The following ARHGAP39 variants were observed in gnomAD, a reference collection of about 807,000 sequenced individuals.
The protein encoded by ARHGAP39 is rho GTPase-activating protein 39.
Under a neutral mutation model 106.9 loss-of-function variants are expected in ARHGAP39, and 44 were observed. The ratio of observed to expected loss-of-function variants is 0.41; its 90% CI spans 0.32 to 0.53. The LOEUF (loss-of-function observed/expected upper bound fraction) is 0.53. Among genes scored for constraint, ARHGAP39 ranks in the 20% least tolerant of loss-of-function variants. The pLI, the probability that ARHGAP39 is intolerant of heterozygous loss-of-function variation, is 0.21. For missense variants in ARHGAP39, 1,496 were observed against 1,577.3 expected, an observed-to-expected ratio of 0.95 and a Z score of 0.87; for synonymous variants, 768 against 693.2, an observed-to-expected ratio of 1.11 and a Z score of -1.69.
chr8:144,636,511 T>G (rs1224769855), intron 1 of ARHGAP39, among the ~76,000 whole-genome samples: 2 of 152,156 alleles, frequency 1.3e-5, no homozygotes, highest in East Asian at 3.9e-4. Flanking sequence ...GCCCCAATCC[T>G]CCCTGCGATG....
chr8:144,623,005 C>T (rs1820843629), intron 1 of ARHGAP39, among the ~76,000 whole-genome samples: 1 of 152,234 alleles, frequency 6.6e-6, no homozygotes, highest in African/African-American at 2.4e-5. Context: ...GTCCTGGCCC[C>T]ACTCGGTCAG....
At chr8:144,538,823 G>A (rs190297151) in intron 6 of ARHGAP39, among the ~76,000 whole-genome samples, 21 of 151,962 alleles carry the variant, frequency 1.4e-4, no homozygotes, top group East Asian at 5.9e-4. Flanking sequence ...CACCCACCTC[G>A]GCCTCCCAAA....
At position 144,547,740 on chromosome 8, in the gene ARHGAP39, C is replaced by G; in HGVS notation, c.1346G>C (p.Ser449Thr). 3 of 1,597,996 alleles carry G rather than the reference C, an allele frequency of 1.9e-6. No homozygotes were observed. The highest frequency in any genetic ancestry group is 2.5e-6 in the Non-Finnish European group (3 of 1,177,566). The change falls in exon 5 of 12, where the codon AGC (serine) becomes ACC (threonine). Residue 449 changes from serine (S) to threonine (T), a missense_variant. This residue lies in a region of ARHGAP39 where 905 missense variants were observed against 816.4 expected (regional missense o/e 1.11). Transcript: ENST00000377307. The surrounding 1 kb of genome is among the most constrained non-coding windows in gnomAD (Gnocchi z 5.2). ...QRLGVKSGDY[S>T]TMEGPELRHS... ...CCGCAGCTCAGGTCCCTCCATGGTG[C>G]TGTAGTCTCCGGACTTGACGCCCAG...
At chr8:144,619,205 G>A (rs376126867) in intron 1 of ARHGAP39, among the ~76,000 whole-genome samples, 3 of 152,202 alleles carry the variant, frequency 2.0e-5, no homozygotes, top group Admixed American at 6.5e-5. Flanking sequence ...AGGATGCTCT[G>A]TGCCAGCTCC....
At chr8:144,675,861 G>T (rs966779398) in intron 1 of ARHGAP39, among the ~76,000 whole-genome samples, 1 of 152,100 alleles carries the variant, frequency 6.6e-6, no homozygotes, top group Non-Finnish European at 1.5e-5. Context: ...CGTTCCCTCC[G>T]GTGGGTTCGT....
chr8:144,600,716 G>C (rs1320622690), intron 2 of ARHGAP39, among the ~76,000 whole-genome samples: 2 of 143,824 alleles, frequency 1.4e-5, no homozygotes, highest in Admixed American at 6.9e-5. Context: ...GTGCACTTGT[G>C]TACCTGAGTG....
At chr8:144,621,894 T>C (rs1413352962) in intron 1 of ARHGAP39, among the ~76,000 whole-genome samples, 1 of 152,216 alleles carries the variant, frequency 6.6e-6, no homozygotes, top group Non-Finnish European at 1.5e-5. Flanking sequence ...GCAAACAAGA[T>C]GTGGTCGGCT....
At chr8:144,594,146 G>A (rs1265203227) in intron 2 of ARHGAP39, among the ~76,000 whole-genome samples, 4 of 151,292 alleles carry the variant, frequency 2.6e-5, no homozygotes, top group South Asian at 4.2e-4. Flanking sequence ...AAAATATCTG[G>A]ACAGACACAT....
chr8:144,603,299 ATC>A (rs1454015532), intron 2 of ARHGAP39, among the ~76,000 whole-genome samples: 1 of 150,748 alleles, frequency 6.6e-6, no homozygotes, highest in Non-Finnish European at 1.5e-5. Context: ...GTGCTCGTGT[ATC>A]TGTGTGTGTG....
intron 6 of ARHGAP39, 92 bp downstream of exon 6, chr8:144,545,157 G>T (rs867884734): frequency 4.8e-6 from 6 of 1,245,612 alleles, no homozygotes; most frequent in East Asian, 2.6e-5. Context: ...GTGGAGGGCC[G>T]CCAGGGACTT....
rs1264538562 is a variant in ARHGAP39 at position 144,619,742 on chromosome 8, CTGTG to C, written c.-81-14051_-81-14048del. Among the ~76,000 whole-genome samples the C allele has an allele frequency of 4.0e-5, 6 of 148,534 alleles. No homozygotes were observed. In the South Asian group the frequency reaches 1.3e-3, roughly 32 times the overall value. On this transcript the variant is annotated intron_variant, in intron 1 of 11. Transcript: ENST00000377307. Reference sequence around the variant, plus strand: ...CATATGTGTCCGTGTGCGTGTGAGCCTGTGTGTACCTCAGTGTGTGCCCGTGTGT... The same window carrying C: ...CATATGTGTCCGTGTGCGTGTGAGCCTGTACCTCAGTGTGTGCCCGTGTGT...
chr8:144,545,051 C>T (rs928912067), intron 6 of ARHGAP39, among the ~76,000 whole-genome samples, 198 bp downstream of exon 6: 2 of 152,256 alleles, frequency 1.3e-5, no homozygotes, highest in African/African-American at 4.8e-5. Flanking sequence ...GGCTCTTCAC[C>T]TCAGTGCCCA....
At chr8:144,602,651 C>G (rs1267864384) in intron 2 of ARHGAP39, among the ~76,000 whole-genome samples, 1 of 63,088 alleles carries the variant, frequency 1.6e-5, no homozygotes, top group Non-Finnish European at 3.1e-5. Flanking sequence ...TGCTCGTGTA[C>G]CTGTGTGCAT....
chr8:144,657,166 G>A (rs981005806), intron 1 of ARHGAP39, among the ~76,000 whole-genome samples: 1 of 150,958 alleles, frequency 6.6e-6, no homozygotes, highest in East Asian at 1.9e-4. Context: ...GGCCAAGGTG[G>A]GTAGATTGTT....
chr8:144,601,917 C>G (rs1379935778), intron 2 of ARHGAP39, among the ~76,000 whole-genome samples: 1 of 119,414 alleles, frequency 8.4e-6, no homozygotes, highest in Non-Finnish European at 1.7e-5. Context: ...GCTCGTGTAC[C>G]TGTGTGTGTG....
chr8:144,666,597 G>A (rs894688926), intron 1 of ARHGAP39, among the ~76,000 whole-genome samples: 6 of 152,120 alleles, frequency 3.9e-5, no homozygotes, highest in Admixed American at 2.6e-4. Flanking sequence ...GTTTATGGGG[G>A]GCTTCTGCCT....
chr8:144,583,347 CGT>C (rs1198548860), intron 2 of ARHGAP39, among the ~76,000 whole-genome samples: 31 of 152,372 alleles, frequency 2.0e-4, no homozygotes, highest in Admixed American at 7.8e-4. Context: ...AGATTCACCG[CGT>C]GTCACCTCCC....
At chr8:144,602,933 G>C (rs1820107655) in intron 2 of ARHGAP39, among the ~76,000 whole-genome samples, 1 of 136,794 alleles carries the variant, frequency 7.3e-6, no homozygotes, top group South Asian at 2.3e-4. Context: ...GCGTGTGTGT[G>C]CTCGTGTACC....
rs1225477111 is a variant in ARHGAP39 at position 144,644,213 on chromosome 8, C to A, written c.-81-38518G>T. ...GAAAAGACGGTGGACCCACTCAATG[C>A]GATGCTTCAGCCATAGAGAGGGATT... On this transcript the variant is annotated intron_variant, in intron 1 of 11. Transcript: ENST00000377307. This position sits in a 1 kb window ranked among gnomAD's most constrained non-coding sequence, Gnocchi z 4.8. 6.6e-6 allele frequency among the ~76,000 whole-genome samples: 1 copy of A among 152,120 alleles called. No homozygotes were observed. Among genetic ancestry groups the A allele is most frequent in the African/African-American group, 2.4e-5 (1 of 41,420 alleles).
Sources: allele counts gnomAD v4.1 joint callset (sites outside exome capture counted in the v4.1 genomes callset), GRCh38; gene constraint gnomAD v4.1.1; regional missense constraint gnomAD v4.1.1; non-coding constraint Gnocchi (gnomAD v3.1); transcripts MANE v1.5; gene names NCBI Gene and HGNC (gene_info 2026-07-23, HGNC 2026-07-21).